The following PIGF variants were observed in gnomAD, a reference collection of about 807,000 sequenced individuals.
PIGF encodes the protein phosphatidylinositol glycan anchor biosynthesis class F.
In PIGF, 23 loss-of-function variants were observed where a neutral mutation model predicts 26.0. The observed-to-expected ratio is 0.88, with a 90% CI of 0.64 to 1.25. The LOEUF (loss-of-function observed/expected upper bound fraction) is 1.25. Among genes scored for constraint, PIGF ranks in the 50% most tolerant of loss-of-function variants. PIGF has a pLI of 0.00. For synonymous variants in PIGF, 93 were observed against 92.6 expected (o/e 1.00, Z -0.03); for missense variants, 278 against 249.9 (o/e 1.11, Z -0.76).
At chr2:46,581,758 C>T in intron 5 of PIGF, 167 bp from the exon 6 acceptor site, 2 of 981,978 alleles carry the variant, frequency 2.0e-6, no homozygotes, top group South Asian at 1.9e-5. Flanking sequence ...AAAATGTACA[C>T]ATTTTAGTTA....
chr2:46,594,041 T>A (rs545435603), intron 4 of PIGF, among the ~76,000 whole-genome samples: 2 of 152,326 alleles, frequency 1.3e-5, no homozygotes, highest in African/African-American at 4.8e-5. Flanking sequence ...TTGTAGGGCT[T>A]TATTATTCTT....
At chr2:46,600,407 A>T (rs1670020363) in intron 4 of PIGF, among the ~76,000 whole-genome samples, 1 of 152,246 alleles carries the variant, frequency 6.6e-6, no homozygotes, top group Admixed American at 6.5e-5. Flanking sequence ...TGGAACAAAG[A>T]TATACCTAAC....
chr2:46,610,881 T>C (rs1670392720), intron 4 of PIGF, among the ~76,000 whole-genome samples: 1 of 152,210 alleles, frequency 6.6e-6, no homozygotes, highest in African/African-American at 2.4e-5. Flanking sequence ...GAAGCCAAGC[T>C]ACTCAGCATG....
At chr2:46,614,722 G>T (rs7565274) in intron 2 of PIGF, 129,619 of 454,926 alleles carry the variant, frequency 0.28, 19,759 homozygotes, top group Admixed American at 0.35. Flanking sequence ...ATGCTCTGAA[G>T]AAGTCATAAT....
At chr2:46,607,726 G>A (rs781357022) in intron 4 of PIGF, among the ~76,000 whole-genome samples, 12 of 151,492 alleles carry the variant, frequency 7.9e-5, no homozygotes, top group East Asian at 1.9e-4. Flanking sequence ...ACTGAGTCTC[G>A]CTCTATCGCC....
intron 4 of PIGF, among the ~76,000 whole-genome samples, chr2:46,608,066 G>A (rs900641940): frequency 6.6e-6 from 1 of 152,216 alleles, no homozygotes; most frequent in Non-Finnish European, 1.5e-5. Flanking sequence ...TTCCAGAAAA[G>A]ATTGATCTGT....
chr2:46,596,312 G>A (rs141465362), intron 4 of PIGF, among the ~76,000 whole-genome samples: 8 of 151,258 alleles, frequency 5.3e-5, no homozygotes, highest in African/African-American at 1.2e-4. Context: ...CATTTTTCAC[G>A]GTTCCAGCAC....
intron 4 of PIGF, among the ~76,000 whole-genome samples, chr2:46,600,375 T>G (rs561378276): frequency 6.6e-6 from 1 of 152,326 alleles, no homozygotes; most frequent in South Asian, 2.1e-4. Flanking sequence ...CAAAAACCTT[T>G]GCACAAGTAT....
At chr2:46,600,118 G>A (rs778770937) in intron 4 of PIGF, among the ~76,000 whole-genome samples, 4 of 152,208 alleles carry the variant, frequency 2.6e-5, no homozygotes, top group Admixed American at 2.0e-4. Flanking sequence ...CAAGGCTTAC[G>A]CCTCCTCTTA....
intron 5 of PIGF, among the ~76,000 whole-genome samples, chr2:46,584,659 A>C (rs1213529753): frequency 6.6e-6 from 1 of 152,218 alleles, no homozygotes; most frequent in Non-Finnish European, 1.5e-5. Context: ...TCAGCAAATT[A>C]AAATGTGGAC....
chr2:46,607,184 A>C (rs1455371740), intron 4 of PIGF, among the ~76,000 whole-genome samples: 2 of 152,206 alleles, frequency 1.3e-5, no homozygotes, highest in African/African-American at 4.8e-5. Context: ...CAGCTACCTC[A>C]GTTTACTACG....
intron 4 of PIGF, among the ~76,000 whole-genome samples, chr2:46,606,641 T>C (rs1169498775): frequency 6.6e-6 from 1 of 152,218 alleles, no homozygotes; most frequent in Non-Finnish European, 1.5e-5. Context: ...AGTATATTTG[T>C]AATTTTTACA....
At chr2:46,592,169 G>C (rs1478833195) in intron 5 of PIGF, among the ~76,000 whole-genome samples, 1 of 152,148 alleles carries the variant, frequency 6.6e-6, no homozygotes, top group Non-Finnish European at 1.5e-5. Flanking sequence ...CTGGGCAAGA[G>C]AGTGAGAACC....
intron 1 of PIGF, chr2:46,616,271 G>A (rs1403146772): frequency 6.6e-6 from 1 of 152,284 alleles, no homozygotes; most frequent in East Asian, 1.9e-4. Context: ...AAAAGCAAAC[G>A]GATGGCAAGA....
chr2:46,587,615 T>C (rs953449397), intron 5 of PIGF, among the ~76,000 whole-genome samples: 8 of 152,194 alleles, frequency 5.3e-5, no homozygotes. Flanking sequence ...TCAATTTTCC[T>C]TTTTACCTTC....
At chr2:46,609,881 A>C (rs1670354365) in intron 4 of PIGF, among the ~76,000 whole-genome samples, 1 of 152,192 alleles carries the variant, frequency 6.6e-6, no homozygotes, top group Non-Finnish European at 1.5e-5. Flanking sequence ...AATAATGAAA[A>C]AGCTTGAAAT....
intron 4 of PIGF, among the ~76,000 whole-genome samples, chr2:46,609,202 G>T (rs1412401890): frequency 6.6e-6 from 1 of 152,240 alleles, no homozygotes; most frequent in Non-Finnish European, 1.5e-5. Context: ...ACTTTTATGT[G>T]ATGGCGATGG....
intron 5 of PIGF, among the ~76,000 whole-genome samples, chr2:46,584,861 C>G (rs1669517894): frequency 6.6e-6 from 1 of 152,164 alleles, no homozygotes; most frequent in Non-Finnish European, 1.5e-5. Context: ...AGGAGGGAGG[C>G]TGCCCACTAA....
intron 5 of PIGF, among the ~76,000 whole-genome samples, chr2:46,585,669 C>T (rs1314555185): frequency 6.6e-6 from 1 of 152,154 alleles, no homozygotes; most frequent in African/African-American, 2.4e-5. Context: ...TGGTCACTGA[C>T]ACTACTATGT....
Sources: gnomAD v4.1 joint callset for allele counts (sites outside exome capture counted in the v4.1 genomes callset) on GRCh38, gnomAD v4.1.1 for gene constraint, MANE v1.5 for transcripts, NCBI Gene and HGNC (gene_info 2026-07-23, HGNC 2026-07-21) for gene names.